CUBN: variants seen among roughly 807,000 people sequenced by gnomAD.
The protein encoded by CUBN is 460 kDa receptor.
Under a neutral mutation model 405.3 loss-of-function variants are expected in CUBN, and 282 were observed. The ratio of observed to expected loss-of-function variants is 0.70; its 90% CI spans 0.63 to 0.77. The LOEUF is 0.77. Ranked by LOEUF, CUBN falls within the 30% of genes least tolerant of loss-of-function variation. CUBN has a pLI of 0.00. For missense variants in CUBN, 4,514 were observed against 4,475.2 expected, an observed-to-expected ratio of 1.01 and a Z score of -0.25; for synonymous variants, 1,684 against 1,617.0, an observed-to-expected ratio of 1.04 and a Z score of -0.99.
chr10:16,914,854 C>T (rs1457580793), intron 47 of CUBN, among the ~76,000 whole-genome samples, 178 bp downstream of exon 47: 1 of 152,144 alleles, frequency 6.6e-6, no homozygotes, highest in Non-Finnish European at 1.5e-5. Flanking sequence ...GTTATTTTCC[C>T]TTATAGCATT....
chr10:16,989,459 G>C (rs1399263678), intron 29 of CUBN, among the ~76,000 whole-genome samples: 4 of 147,510 alleles, frequency 2.7e-5, no homozygotes, highest in African/African-American at 9.9e-5. Flanking sequence ...ATCTATATAT[G>C]TTATAAAATT....
rs1842545192 is a variant in CUBN at position 16,937,534 on chromosome 10, G to A, written c.5926+58C>T. ...GACCCCTGTTATGATAGGATCCTTT[G>A]AAACATTGGCCTGCACATATCAGTC... On this transcript the variant is annotated intron_variant, in intron 39 of 66. Coordinates refer to ENST00000377833, the MANE Select transcript of CUBN (RefSeq NM_001081.4). 8.9e-6 allele frequency: 13 copies of A among 1,457,758 alleles called. 1 individual carries two copies. In the South Asian group the frequency reaches 1.5e-4, roughly 17 times the overall value. 90.3% of individuals were successfully genotyped at this position (1,457,758 alleles called of 1,614,324 possible).
chr10:17,049,371 T>C lies in CUBN; in HGVS notation c.3140-1768A>G, dbSNP rs538241877. Among the ~76,000 whole-genome samples, 9 of 152,340 alleles carry C rather than the reference T, an allele frequency of 5.9e-5. No homozygotes were observed. The South Asian group carries it at 1.5e-3, about 25-fold the overall frequency. On this transcript the variant is annotated intron_variant, in intron 22 of 66. Transcript: ENST00000377833. ...TTTAGAGGAAATTATCTGTCGTCAC[T>C]TGTTCTTGCTTACTCACTGTACTCC...
At chr10:16,937,808 A>G in intron 38 of CUBN, 24 bp from the exon 39 acceptor site, 1 of 1,602,478 alleles carries the variant, frequency 6.2e-7, no homozygotes, top group East Asian at 2.2e-5. Flanking sequence ...CAGATAATAG[A>G]GCATTGTATT....
chr10:17,081,146 T>A (rs1317099747), intron 17 of CUBN, among the ~76,000 whole-genome samples: 3 of 152,226 alleles, frequency 2.0e-5, no homozygotes, highest in Non-Finnish European at 4.4e-5. Context: ...GGAACTCTCT[T>A]ACTGAGCAAA....
At chr10:16,897,340 T>A (rs2131413318) in intron 54 of CUBN, among the ~76,000 whole-genome samples, 1 of 152,366 alleles carries the variant, frequency 6.6e-6, no homozygotes, top group African/African-American at 2.4e-5. Flanking sequence ...TTTTGTGGGT[T>A]ACAGTTCCAG....
At chr10:16,870,289 T>C (rs563138656) in intron 58 of CUBN, among the ~76,000 whole-genome samples, 9 of 152,342 alleles carry the variant, frequency 5.9e-5, no homozygotes, top group Admixed American at 5.2e-4. Flanking sequence ...GGGAAGCATG[T>C]TAATATAATA....
At chr10:16,840,159 C>T (rs1247441492) in intron 62 of CUBN, among the ~76,000 whole-genome samples, 171 bp downstream of exon 62, 1 of 151,898 alleles carries the variant, frequency 6.6e-6, no homozygotes, top group Non-Finnish European at 1.5e-5. Context: ...ACCAACATGG[C>T]ACATGTATAC....
intron 19 of CUBN, 25 bp from the exon 20 acceptor site, chr10:17,068,795 A>G: frequency 1.3e-6 from 2 of 1,566,352 alleles, no homozygotes; most frequent in Non-Finnish European, 1.8e-6. Flanking sequence ...GATATGTTCA[A>G]ATATGTTGTA....
chr10:17,006,682 G>A (rs1834037356), intron 28 of CUBN, among the ~76,000 whole-genome samples: 1 of 152,102 alleles, frequency 6.6e-6, no homozygotes, highest in African/African-American at 2.4e-5. Flanking sequence ...AAGCCCTTTG[G>A]TACAGTGCCT....
Position 16,915,091 on chromosome 10 carries a change from A to G in CUBN, c.7292T>C (p.Val2431Ala), listed in dbSNP as rs748243860. 1 of 1,614,168 alleles carries G rather than the reference A, an allele frequency of 6.2e-7. No individual in the cohort carries two copies. The highest frequency in any genetic ancestry group is 8.5e-7 in the Non-Finnish European group (1 of 1,180,020). The change falls in exon 47 of 67, where the codon GTC becomes GCC. Residue 2431 changes from valine to alanine, a missense_variant. By Grantham distance (64) the Val-to-Ala change is moderately conservative. Around this residue, in one of 5 missense-constraint regions of CUBN, gnomAD observed 1,613 missense variants for 1,542.8 expected, o/e 1.05. Transcript: ENST00000377833. ...TSSNTAVVRF[V>A]TDGSVTASGF... The stretch of plus-strand genomic sequence containing the variant: ...TGAGGCAGTCACAGAGCCGTCTGTG[A>G]CAAACCTGACCACAGCAGTATTGCT...
At chr10:17,089,882 T>C (rs1427425866) in intron 14 of CUBN, among the ~76,000 whole-genome samples, 1 of 152,068 alleles carries the variant, frequency 6.6e-6, no homozygotes, top group South Asian at 2.1e-4. Flanking sequence ...CCCAGCACTT[T>C]GGGAGGCTGA....
At chr10:16,857,155 TG>T (rs771842847) in intron 59 of CUBN, among the ~76,000 whole-genome samples, 6 of 152,252 alleles carry the variant, frequency 3.9e-5, no homozygotes, top group Non-Finnish European at 8.8e-5. Flanking sequence ...ATAATATTTA[TG>T]TTTTACAAGA....
chr10:16,984,006 G>C, intron 30 of CUBN, 99 bp downstream of exon 30: 1 of 1,324,542 alleles, frequency 7.5e-7, no homozygotes, highest in Non-Finnish European at 1.1e-6. Flanking sequence ...ATGTCACTAA[G>C]TTATAAGTGT....
chr10:17,093,677 T>C (rs574655902), intron 14 of CUBN, among the ~76,000 whole-genome samples: 11 of 146,052 alleles, frequency 7.5e-5, no homozygotes, highest in Middle Eastern at 3.5e-3. Context: ...GAGGAAGTAG[T>C]AAAAAAAAAA....
intron 36 of CUBN, among the ~76,000 whole-genome samples, chr10:16,941,906 T>TA (rs1247822583): frequency 6.6e-6 from 1 of 151,932 alleles, no homozygotes; most frequent in African/African-American, 2.4e-5. Flanking sequence ...AAATGGGAGA[T>TA]AATCGTAAAG....
rs539298719 is a variant in CUBN at position 17,019,335 on chromosome 10, G to A, written c.4168+498C>T. Among the ~76,000 whole-genome samples the A allele has an allele frequency of 1.9e-4, 29 of 152,218 alleles. 1 individual carries two copies. The South Asian group carries it at 5.6e-3, about 29-fold the overall frequency. The stretch of plus-strand genomic sequence containing the variant: ...AAGTACAACACATGCCCCTGGCTTT[G>A]TGCATCGCAGCTCAAATTCTCCTCC... On this transcript the variant is annotated intron_variant, in intron 28 of 66. Coordinates refer to ENST00000377833, the MANE Select transcript of CUBN (RefSeq NM_001081.4).
At chr10:16,980,764 A>T (rs1023588871) in intron 31 of CUBN, among the ~76,000 whole-genome samples, 1 of 152,110 alleles carries the variant, frequency 6.6e-6, no homozygotes, top group Non-Finnish European at 1.5e-5. Context: ...TGAGTGCAGC[A>T]AACCACCATG....
At chr10:17,076,805 G>C (rs531298951) in intron 17 of CUBN, among the ~76,000 whole-genome samples, 3 of 152,242 alleles carry the variant, frequency 2.0e-5, no homozygotes, top group African/African-American at 7.2e-5. Context: ...GTCTCAGGAC[G>C]GTGAAGGCAC....
Sources: allele counts gnomAD v4.1 joint callset (sites outside exome capture counted in the v4.1 genomes callset), GRCh38; gene constraint gnomAD v4.1.1; regional missense constraint gnomAD v4.1.1; transcripts MANE v1.5; gene names NCBI Gene and HGNC (gene_info 2026-07-23, HGNC 2026-07-21).